The following PSMD1 variants were observed in gnomAD, a reference collection of about 807,000 sequenced individuals.
The protein encoded by PSMD1 is 26S proteasome non-ATPase regulatory subunit 1.
PSMD1 carries 18 observed loss-of-function variants against 119.0 expected under a neutral mutation model. The observed-to-expected ratio is 0.15, with a 90% confidence interval of 0.10 to 0.22. The LOEUF is 0.22. Among genes scored for constraint, PSMD1 ranks in the 10% least tolerant of loss-of-function variants. The probability of loss-of-function intolerance (pLI) is 1.00; values close to 1 mark genes in which losing one functional copy is unlikely to be tolerated. For synonymous variants in PSMD1, 374 were observed against 396.6 expected (o/e 0.94, Z 0.68); for missense variants, 702 against 1,158.5 (o/e 0.61, Z 5.72).
Position 231,056,981 on chromosome 2 carries a change from A to C in PSMD1, c.-45A>C, listed in dbSNP as rs1322482779. 5.8e-6 allele frequency: 9 copies of C among 1,540,348 alleles called. No individual in the cohort carries two copies. The highest frequency in any genetic ancestry group is 7.9e-6 in the Non-Finnish European group (9 of 1,144,516). ...CCCTGAGCTGACAGATACACTGCGC[A>C]GCTGGAACGGCGAGCGAGCCGACGG... On this transcript the variant is annotated 5_prime_UTR_variant, in exon 1 of 25. Transcript: ENST00000308696.
At chr2:231,108,564 TGAG>T (rs1214768280) in intron 16 of PSMD1, 2 of 1,613,888 alleles carry the variant, frequency 1.2e-6, no homozygotes, top group Non-Finnish European at 1.7e-6. Context: ...TCATTTTCAG[TGAG>T]GAGAAGCGTA....
intron 16 of PSMD1, among the ~76,000 whole-genome samples, chr2:231,131,308 G>T (rs1005640079): frequency 6.6e-6 from 1 of 151,944 alleles, no homozygotes; most frequent in Non-Finnish European, 1.5e-5. Flanking sequence ...ATCATGCTGC[G>T]ATCTATTCAT....
intron 16 of PSMD1, among the ~76,000 whole-genome samples, chr2:231,115,666 A>G (rs528834040): frequency 2.0e-5 from 3 of 152,142 alleles, no homozygotes; most frequent in Non-Finnish European, 2.9e-5. Context: ...ATTACCATTG[A>G]TCTTGCAGAT....
intron 18 of PSMD1, among the ~76,000 whole-genome samples, chr2:231,149,011 T>C (rs1253755209): frequency 1.3e-5 from 2 of 152,230 alleles, no homozygotes; most frequent in African/African-American, 4.8e-5. Flanking sequence ...TCAAGAGTTA[T>C]AAACCCCTCT....
At chr2:231,104,436 C>T (rs768430078) in intron 16 of PSMD1, among the ~76,000 whole-genome samples, 1 of 151,944 alleles carries the variant, frequency 6.6e-6, no homozygotes, top group Non-Finnish European at 1.5e-5. Context: ...TTTCATAAAA[C>T]GAATCTTTAA....
chr2:231,118,788 C>T (rs1325490402), intron 16 of PSMD1, among the ~76,000 whole-genome samples: 1 of 152,136 alleles, frequency 6.6e-6, no homozygotes, highest in Non-Finnish European at 1.5e-5. Context: ...AAATGTTTCC[C>T]TTTGGAGGAT....
At chr2:231,143,840 T>G (rs1158184750) in intron 17 of PSMD1, among the ~76,000 whole-genome samples, 1 of 152,210 alleles carries the variant, frequency 6.6e-6, no homozygotes, top group African/African-American at 2.4e-5. Flanking sequence ...AATAGGATAT[T>G]GGGGAAATAC....
chr2:231,154,305 G>T (rs913096678), intron 19 of PSMD1, among the ~76,000 whole-genome samples: 1 of 151,178 alleles, frequency 6.6e-6, no homozygotes. Flanking sequence ...GTGGTGGCAT[G>T]CACCTGTAAT....
chr2:231,146,853 C>T (rs749127378), intron 18 of PSMD1, among the ~76,000 whole-genome samples: 1 of 152,182 alleles, frequency 6.6e-6, no homozygotes, highest in South Asian at 2.1e-4. Context: ...CCCTCCTAGG[C>T]GATCTTTTTG....
intron 17 of PSMD1, among the ~76,000 whole-genome samples, chr2:231,141,359 T>G (rs1696105146): frequency 6.6e-6 from 1 of 152,030 alleles, no homozygotes; most frequent in Admixed American, 6.6e-5. Context: ...GTGTAAAAAT[T>G]TGTAAAGAGA....
At chr2:231,061,896 A>G (rs146470661) in intron 2 of PSMD1, among the ~76,000 whole-genome samples, 1 of 152,306 alleles carries the variant, frequency 6.6e-6, no homozygotes, top group East Asian at 1.9e-4. Flanking sequence ...TTCATTATCA[A>G]CAGAAAACAC....
intron 16 of PSMD1, among the ~76,000 whole-genome samples, chr2:231,102,899 A>G (rs1313962602): frequency 6.6e-6 from 1 of 152,074 alleles, no homozygotes; most frequent in Non-Finnish European, 1.5e-5. Context: ...CTTATTTATT[A>G]TATTTGTTAT....
intron 12 of PSMD1, among the ~76,000 whole-genome samples, chr2:231,081,914 T>C (rs1372491747): frequency 6.6e-6 from 1 of 152,194 alleles, no homozygotes; most frequent in Non-Finnish European, 1.5e-5. Context: ...CATACTCTCA[T>C]CTATCCTAAA....
intron 8 of PSMD1, among the ~76,000 whole-genome samples, chr2:231,076,528 G>A (rs756891649): frequency 6.6e-6 from 1 of 152,144 alleles, no homozygotes; most frequent in African/African-American, 2.4e-5. Context: ...TTAGCTGAGC[G>A]TGGTGGCACA....
At chr2:231,075,364 G>T in intron 7 of PSMD1, 147 bp from the exon 8 acceptor site, 1 of 602,704 alleles carries the variant, frequency 1.7e-6, no homozygotes, top group Admixed American at 3.5e-5. Flanking sequence ...CCATCTTAGA[G>T]ATGTGTAGAA....
chr2:231,139,754 C>T (rs955452333), intron 17 of PSMD1, among the ~76,000 whole-genome samples: 18 of 152,104 alleles, frequency 1.2e-4, no homozygotes, highest in African/African-American at 4.3e-4. Context: ...AGCAAATCAC[C>T]GATGTGCTAT....
In PSMD1 at chr2:231,079,555, G is replaced by T; in HGVS notation, c.1180G>T (p.Ala394Ser). The change falls in exon 11 of 25, where the codon GCC becomes TCC. Residue 394 changes from alanine (A) to serine (S), a missense_variant. Coordinates refer to ENST00000308696, the MANE Select transcript of PSMD1 (RefSeq NM_002807.4). ...TTACAGAGATAATTTGGAATGGTTA[G>T]CCAGAGCCACTAACTGGGCAAAATT... is the stretch of plus-strand genomic sequence containing the variant. ...QFLRDNLEWLARATNWAKFTA... is the reference protein window; with the variant it reads ...QFLRDNLEWLSRATNWAKFTA... 6.2e-7 allele frequency: 1 copy of T among 1,606,394 alleles called. No homozygotes were observed. Among genetic ancestry groups the T allele is most frequent in the Non-Finnish European group, 8.5e-7 (1 of 1,175,600 alleles).
In PSMD1 at chr2:231,163,333, C is replaced by T. The variant is rs192668208; in HGVS notation, c.2389-302C>T. On this transcript the variant is annotated intron_variant, in intron 20 of 24. Transcript: ENST00000308696. ...ATCAAATGCTTTACAAAGGAGAGAA[C>T]AGTTGATCTGATGCTCACACCATGA... 6.1e-5 allele frequency: 16 copies of T among 262,808 alleles called. No homozygotes were observed. In the East Asian group the frequency reaches 7.3e-4, roughly 12 times the overall value. 16.3% of individuals were successfully genotyped at this position (262,808 alleles called of 1,614,324 possible). A position where few individuals can be genotyped will look rare whatever the true frequency, so the allele number is the denominator to read the frequency against.
chr2:231,141,421 C>CTTT (rs34818750), intron 17 of PSMD1, among the ~76,000 whole-genome samples: 5 of 104,224 alleles, frequency 4.8e-5, no homozygotes, highest in South Asian at 2.8e-4. Context: ...CCCTGCTATA[C>CTTT]TTTTTTTTTT....
Sources: allele counts gnomAD v4.1 joint callset (sites outside exome capture counted in the v4.1 genomes callset), GRCh38; gene constraint gnomAD v4.1.1; transcripts MANE v1.5; gene names NCBI Gene and HGNC (gene_info 2026-07-23, HGNC 2026-07-21).